PLIN3: variants seen among roughly 807,000 people sequenced by gnomAD.
PLIN3 encodes perilipin 3, also known as perilipin-3.
PLIN3 carries 30 observed loss-of-function variants against 35.9 expected under a neutral mutation model. That is an observed-to-expected ratio of 0.84 (90% confidence interval 0.62 to 1.13). The LOEUF (loss-of-function observed/expected upper bound fraction) is 1.13. Ranked by LOEUF, PLIN3 falls within the 50% of genes most tolerant of loss-of-function variation. PLIN3 has a pLI of 0.00. For missense variants in PLIN3, 603 were observed against 596.9 expected, an observed-to-expected ratio of 1.01 and a Z score of -0.11; for synonymous variants, 261 against 262.5, an observed-to-expected ratio of 0.99 and a Z score of 0.06.
At chr19:4,847,311 T>C (rs932564692) in intron 6 of PLIN3, among the ~76,000 whole-genome samples, 16 of 151,912 alleles carry the variant, frequency 1.1e-4, no homozygotes, top group African/African-American at 3.9e-4. Context: ...CACCTCAGCC[T>C]CCCAAGTAGC....
intron 6 of PLIN3, 135 bp from the exon 7 acceptor site, chr19:4,844,928 G>C: frequency 9.7e-7 from 1 of 1,027,768 alleles, no homozygotes; most frequent in Non-Finnish European, 1.4e-6. Context: ...GAGGGAGGAA[G>C]GGTTTCCTGG....
chr19:4,847,811 A>T lies in PLIN3; in HGVS notation c.714T>A (p.Arg238=), dbSNP rs746678024. 6.2e-7 allele frequency: 1 copy of T among 1,613,790 alleles called. No individual in the cohort carries two copies. Among genetic ancestry groups the T allele is most frequent in the Admixed American group, 1.7e-5 (1 of 59,932 alleles). ...QQRQEQSYFV[R]LGSLSERLRQ... is the part of the protein sequence containing the mutation. ...GCAGCCTCTCCGACAGGGAGCCCAGACGTACGAAGTAGCTCTGTTCCTGCC... is the reference window on the plus strand; with the variant it reads ...GCAGCCTCTCCGACAGGGAGCCCAGTCGTACGAAGTAGCTCTGTTCCTGCC... Residue 238 remains arginine (R), a synonymous_variant, in exon 6 of 8, where the codon CGT becomes CGA. Coordinates refer to ENST00000221957, the MANE Select transcript of PLIN3 (RefSeq NM_005817.5).
At chr19:4,839,587 C>T (rs1489455225) in intron 7 of PLIN3, 51 bp from the exon 8 acceptor site, 14 of 1,368,104 alleles carry the variant, frequency 1.0e-5, no homozygotes, top group African/African-American at 2.9e-5. Flanking sequence ...TCAGGAAAGG[C>T]GATCGGAGCT....
intron 1 of PLIN3, among the ~76,000 whole-genome samples, chr19:4,863,743 G>A (rs890034742): frequency 6.6e-5 from 10 of 150,478 alleles, no homozygotes; most frequent in African/African-American, 1.7e-4. Context: ...CAGGAGAATC[G>A]CTTGAACCCA....
chr19:4,851,035 T>C (rs933083054), intron 5 of PLIN3, among the ~76,000 whole-genome samples: 5 of 152,120 alleles, frequency 3.3e-5, no homozygotes, highest in African/African-American at 2.4e-5. Context: ...CGTGATGGTG[T>C]GTGCTTGTAG....
At position 4,844,766 on chromosome 19, in the gene PLIN3, G is replaced by A; in HGVS notation, c.862C>T (p.Gln288Ter). ...TTCTCCTGGCCTTCCACCAGCTTCT[G>A]ATCAACGCCTTGCTTGACAGTTTCC... ...LMETVKQGVD[Q>*]KLVEGQEKLH... Residue 288 changes from glutamine (Q) to a stop codon, truncating the protein, a stop_gained, in exon 7 of 8, where the codon CAG becomes TAG. Transcript: ENST00000221957. LOFTEE classifies it high-confidence loss of function. The A allele has an allele frequency of 6.2e-7, 1 of 1,602,278 alleles. No homozygotes were observed. Among genetic ancestry groups the A allele is most frequent in the Non-Finnish European group, 8.5e-7 (1 of 1,174,646 alleles).
chr19:4,840,113 G>A (rs1035704346), intron 7 of PLIN3, among the ~76,000 whole-genome samples: 15 of 151,674 alleles, frequency 9.9e-5, no homozygotes, highest in Admixed American at 4.0e-4. Flanking sequence ...GACTACAGGC[G>A]CGTGCCACCA....
In PLIN3 at chr19:4,839,439, G is replaced by C; in HGVS notation, c.1058C>G (p.Thr353Ser). 4 of 1,599,378 alleles carry C rather than the reference G, an allele frequency of 2.5e-6. No homozygotes were observed. The highest frequency in any genetic ancestry group is 3.4e-6 in the Non-Finnish European group (4 of 1,169,512). ...SLGSSIQGLP[T>S]NVKDQVQQAR... Reference sequence around the variant, plus strand: ...CTGCTGCACCTGGTCCTTCACATTGGTGGGGAGGCCCTGAATGCTGGACCC... The same window carrying C: ...CTGCTGCACCTGGTCCTTCACATTGCTGGGGAGGCCCTGAATGCTGGACCC... Residue 353 changes from threonine to serine, a missense_variant, in exon 8 of 8, where the codon ACC becomes AGC. Thr to Ser is a moderately conservative substitution (Grantham distance 58). Coordinates refer to ENST00000221957, the MANE Select transcript of PLIN3 (RefSeq NM_005817.5).
chr19:4,847,897 G>A lies in PLIN3; in HGVS notation c.635-7C>T, dbSNP rs1453971906. 1 of 1,610,572 alleles carries A rather than the reference G, an allele frequency of 6.2e-7. No individual in the cohort carries two copies. Among genetic ancestry groups the A allele is most frequent in the Admixed American group, 1.7e-5 (1 of 59,586 alleles). ...AGGGATGTGGCGATGCGGGCTGCAA[G>A]GAAAAGGAGAAGGGTCTCTGTGAAG... On this transcript the variant is annotated splice_region_variant and splice_polypyrimidine_tract_variant and intron_variant, in intron 5 of 7. Coordinates refer to ENST00000221957, the MANE Select transcript of PLIN3 (RefSeq NM_005817.5).
At chr19:4,845,410 A>T (rs2030053410) in intron 6 of PLIN3, among the ~76,000 whole-genome samples, 1 of 152,088 alleles carries the variant, frequency 6.6e-6, no homozygotes, top group Non-Finnish European at 1.5e-5. Context: ...TGGGTGACAG[A>T]GCCAGACTCT....
rs548890240 is a variant in PLIN3 at position 4,847,883 on chromosome 19, G to A, written c.642C>T (p.Ile214=). The change falls in exon 6 of 8, where the codon ATC becomes ATT. Residue 214 remains isoleucine (I), a synonymous_variant. Transcript: ENST00000221957. ...CGTCAAAGCCATCCAGGGATGTGGC[G>A]ATGCGGGCTGCAAGGAAAAGGAGAA... ...LPLTDAELAR[I]ATSLDGFDVA... is the part of the protein sequence containing the mutation. The A allele has an allele frequency of 1.4e-5, 22 of 1,612,990 alleles. No homozygotes were observed. Among genetic ancestry groups the A allele is most frequent in the African/African-American group, 5.3e-5 (4 of 75,024 alleles).
In PLIN3 at chr19:4,839,130, T is replaced by G. The variant is rs528081317; in HGVS notation, c.*62A>C. ...AATAAGTTTGAAATGAGCCCCGGGT[T>G]GAGGACTCCAGAGCACAGCTGCATT... is the stretch of plus-strand genomic sequence containing the variant. On this transcript the variant is annotated 3_prime_UTR_variant, in exon 8 of 8. Transcript: ENST00000221957. The G allele has an allele frequency of 1.2e-5, 16 of 1,336,156 alleles. No homozygotes were observed. The East Asian group carries it at 1.4e-4, about 12-fold the overall frequency. The allele number at this position is 1,336,156 out of a possible 1,614,324, so 82.8% of individuals were successfully genotyped here. A position where few individuals can be genotyped will look rare whatever the true frequency, so the allele number is the denominator to read the frequency against.
chr19:4,864,080 G>A (rs543931135), intron 1 of PLIN3, among the ~76,000 whole-genome samples: 2 of 147,640 alleles, frequency 1.4e-5, no homozygotes, highest in East Asian at 4.1e-4. Context: ...CTACAGGCAC[G>A]CACCACCACA....
intron 1 of PLIN3, among the ~76,000 whole-genome samples, chr19:4,865,737 T>G (rs2030826340): frequency 1.4e-5 from 2 of 142,134 alleles, no homozygotes; most frequent in African/African-American, 2.6e-5. Flanking sequence ...TTTGTTTTTT[T>G]TTTTGAGACG....
At position 4,847,784 on chromosome 19, in the gene PLIN3, C is replaced by A. The variant is rs763982213; in HGVS notation, c.741G>T (p.Arg247=). ...CCAGCGAGTGCTCATAGGCGTGCTGCCGCAGCCTCTCCGACAGGGAGCCCA... is the reference window on the plus strand; with the variant it reads ...CCAGCGAGTGCTCATAGGCGTGCTGACGCAGCCTCTCCGACAGGGAGCCCA... ...VRLGSLSERL[R]QHAYEHSLGK... The change falls in exon 6 of 8, where the codon CGG becomes CGT. Residue 247 remains arginine (R), a synonymous_variant. Coordinates refer to ENST00000221957, the MANE Select transcript of PLIN3 (RefSeq NM_005817.5). 9 of 1,613,476 alleles carry A rather than the reference C, an allele frequency of 5.6e-6. No homozygotes were observed. In the African/African-American group the frequency reaches 1.2e-4, roughly 22 times the overall value.
rs185120976 is a variant in PLIN3, at chr19:4,839,575, T to C, written c.961-39A>G. The C allele has an allele frequency of 2.5e-3, 3,636 of 1,438,926 alleles. 10 individuals carry two copies. Among genetic ancestry groups the C allele is most frequent in the African/African-American group, 3.4e-3 (240 of 70,158 alleles). The allele number at this position is 1,438,926 out of a possible 1,614,324, so 89.1% of individuals were successfully genotyped here. A position where few individuals can be genotyped will look rare whatever the true frequency, so the allele number is the denominator to read the frequency against. On this transcript the variant is annotated intron_variant, in intron 7 of 7. Transcript: ENST00000221957. ...TGGGGACACCAATCAGGACCATTTG[T>C]TTCAGGAAAGGCGATCGGAGCTGAA...
chr19:4,861,385 C>T lies in PLIN3; in HGVS notation c.10G>A (p.Asp4Asn), dbSNP rs138047940. 182 of 1,612,906 alleles carry T rather than the reference C, an allele frequency of 1.1e-4. 4 individuals carry two copies. In the Middle Eastern group the frequency reaches 1.5e-3, roughly 13 times the overall value. ...GTGCTGCCATCAGCCTCTGCCCCGTCGGCAGACATGGTCTCTGCAGCAGAC... is the reference window on the plus strand; with the variant it reads ...GTGCTGCCATCAGCCTCTGCCCCGTTGGCAGACATGGTCTCTGCAGCAGAC... MSA[D>N]GAEADGSTQV... is the part of the protein sequence containing the mutation. Residue 4 changes from aspartate (D) to asparagine (N), a missense_variant, in exon 2 of 8, where the codon GAC (aspartate) becomes AAC (asparagine). Asp to Asn is a conservative substitution (Grantham distance 23). Coordinates refer to ENST00000221957, the MANE Select transcript of PLIN3 (RefSeq NM_005817.5).
chr19:4,840,035 T>TA (rs1361095414), intron 7 of PLIN3, among the ~76,000 whole-genome samples: 15 of 148,762 alleles, frequency 1.0e-4, no homozygotes, highest in African/African-American at 3.7e-4. Context: ...TGGCATGATT[T>TA]TGGCTCACTG....
At chr19:4,841,746 C>T (rs942698843) in intron 7 of PLIN3, among the ~76,000 whole-genome samples, 2 of 150,316 alleles carry the variant, frequency 1.3e-5, no homozygotes, top group Non-Finnish European at 3.0e-5. Context: ...ACTAAAAAAA[C>T]ACAAAAAAAT....
Sources: gnomAD v4.1 joint callset for allele counts (sites outside exome capture counted in the v4.1 genomes callset) on GRCh38, gnomAD v4.1.1 for gene constraint, MANE v1.5 for transcripts, NCBI Gene and HGNC (gene_info 2026-07-23, HGNC 2026-07-21) for gene names.